Variants in GNB4 observed in about 807,000 individuals in gnomAD.
GNB4 encodes the protein G protein subunit beta 4.
A neutral mutation model predicts 45.2 loss-of-function variants in GNB4; 28 were observed. That is an observed-to-expected ratio of 0.62 (90% CI 0.46 to 0.85). GNB4 has a LOEUF of 0.85. Among genes scored for constraint, GNB4 ranks in the 40% least tolerant of loss-of-function variants. The probability of loss-of-function intolerance (pLI) is 0.00; values close to 1 mark genes in which losing one functional copy is unlikely to be tolerated. For synonymous variants in GNB4, 132 were observed against 143.7 expected, an observed-to-expected ratio of 0.92 and a Z score of 0.58; for missense variants, 321 against 425.4, an observed-to-expected ratio of 0.75 and a Z score of 2.16.
In GNB4 at chr3:179,426,183, C is replaced by G; in HGVS notation, c.18G>C (p.Gln6His). Residue 6 changes from glutamine to histidine, a missense_variant, in exon 2 of 10, where the codon CAG becomes CAC. Physicochemically the swap from Gln to His is conservative, Grantham distance 24. Transcript: ENST00000232564. ...GCAGTTGTTCTGCTTCTTGCCTCAACTGTTCCAGTTCGCTCATTTTTTCAA... is the reference window on the plus strand; with the variant it reads ...GCAGTTGTTCTGCTTCTTGCCTCAAGTGTTCCAGTTCGCTCATTTTTTCAA... MSELEQLRQEAEQLRN... is the reference protein window; with the variant it reads MSELEHLRQEAEQLRN... The G allele has an allele frequency of 6.2e-7, 1 of 1,600,912 alleles. No individual in the cohort carries two copies. The highest frequency in any genetic ancestry group is 8.5e-7 in the Non-Finnish European group (1 of 1,177,162).
At chr3:179,502,228 C>CTTT in the GNB4 span, among the ~76,000 whole-genome samples, 191 of 73,398 alleles carry the variant, frequency 2.6e-3, no homozygotes, top group African/African-American at 3.4e-3. Context: ...TTTTTCTTTT[C>CTTT]TTTTTTTTTT....
At chr3:179,499,333 G>A in the GNB4 span, among the ~76,000 whole-genome samples, 835 of 151,988 alleles carry the variant, frequency 5.5e-3, 7 homozygotes, top group African/African-American at 0.02. Context: ...AGTTCTTTTT[G>A]TATTTTTAGT....
chr3:179,518,057 C>G, the GNB4 span, among the ~76,000 whole-genome samples: 3 of 152,260 alleles, frequency 2.0e-5, no homozygotes, highest in South Asian at 6.2e-4. Context: ...TCTACTCTCT[C>G]TTTTCTCTGG....
At chr3:179,455,998 G>A (rs1030897691), upstream of GNB4, among the ~76,000 whole-genome samples, 1 of 152,172 alleles carries the variant, frequency 6.6e-6, no homozygotes, top group Admixed American at 6.5e-5. Context: ...AGAGAACAAG[G>A]AGGAAATGCA....
At chr3:179,498,070 T>A in the GNB4 span, among the ~76,000 whole-genome samples, 1 of 152,166 alleles carries the variant, frequency 6.6e-6, no homozygotes, top group Admixed American at 6.5e-5. Flanking sequence ...AAAATCAGTA[T>A]CTCAAAAAGA....
the GNB4 span, among the ~76,000 whole-genome samples, chr3:179,519,340 C>G: frequency 1.3e-5 from 2 of 152,226 alleles, no homozygotes; most frequent in African/African-American, 4.8e-5. Context: ...AAGACTGACA[C>G]TGCCCAATCA....
chr3:179,477,527 T>C, the GNB4 span, among the ~76,000 whole-genome samples: 1 of 152,146 alleles, frequency 6.6e-6, no homozygotes, highest in Non-Finnish European at 1.5e-5. Context: ...TGAGACCTTA[T>C]CAGAATGACC....
chr3:179,485,005 G>GTTTTTTT, the GNB4 span, among the ~76,000 whole-genome samples: 13 of 51,144 alleles, frequency 2.5e-4, no homozygotes, highest in Non-Finnish European at 3.7e-4. Flanking sequence ...TTTTCGTTTT[G>GTTTTTTT]TTTTTTTTTT....
the GNB4 span, among the ~76,000 whole-genome samples, chr3:179,527,250 G>A: frequency 6.6e-6 from 1 of 152,264 alleles, no homozygotes; most frequent in Middle Eastern, 3.4e-3. Context: ...TTTGAAGCCA[G>A]ATATTGGCCA....
chr3:179,496,670 C>A, the GNB4 span, among the ~76,000 whole-genome samples: 1 of 151,942 alleles, frequency 6.6e-6, no homozygotes, highest in South Asian at 2.1e-4. Context: ...AAGCAGAAAC[C>A]AAAAGAGAGC....
At chr3:179,515,352 C>A in the GNB4 span, among the ~76,000 whole-genome samples, 1 of 152,216 alleles carries the variant, frequency 6.6e-6, no homozygotes, top group South Asian at 2.1e-4. Context: ...TTTGTGTGAG[C>A]AACAAGGCTG....
the GNB4 span, among the ~76,000 whole-genome samples, chr3:179,470,115 T>C: frequency 1.3e-5 from 2 of 152,240 alleles, no homozygotes; most frequent in African/African-American, 4.8e-5. Flanking sequence ...TACAATTAGG[T>C]ACATGCAATA....
the GNB4 span, chr3:179,465,157 C>T: frequency 1.6e-6 from 2 of 1,270,454 alleles, no homozygotes; most frequent in East Asian, 2.3e-5. Context: ...AAGCAGCAGT[C>T]ACTGATATGG....
chr3:179,504,348 G>A, the GNB4 span, among the ~76,000 whole-genome samples: 1 of 151,816 alleles, frequency 6.6e-6, no homozygotes, highest in Non-Finnish European at 1.5e-5. Flanking sequence ...TCTTACTTTT[G>A]GCTACTTCTC....
At chr3:179,452,917 C>T (rs1431422240), upstream of GNB4, among the ~76,000 whole-genome samples, 1 of 152,118 alleles carries the variant, frequency 6.6e-6, no homozygotes, top group Non-Finnish European at 1.5e-5. Context: ...TCGGAGGAAG[C>T]AAAGGGAAAT....
At chr3:179,452,077 A>T (rs1329055364), upstream of GNB4, among the ~76,000 whole-genome samples, 1 of 152,212 alleles carries the variant, frequency 6.6e-6, no homozygotes, top group Non-Finnish European at 1.5e-5. Context: ...TGATGTTTGC[A>T]CGAAGCCTGC....
chr3:179,448,958 A>G (rs1046453711), intron 1 of GNB4, among the ~76,000 whole-genome samples: 1 of 152,236 alleles, frequency 6.6e-6, no homozygotes, highest in Non-Finnish European at 1.5e-5. Context: ...CAGTCACTGA[A>G]GCAGAACACT....
the GNB4 span, among the ~76,000 whole-genome samples, chr3:179,467,660 T>A: frequency 6.6e-6 from 1 of 152,130 alleles, no homozygotes; most frequent in South Asian, 2.1e-4. Context: ...AGAAAGTAAG[T>A]GTCAGATGCA....
the GNB4 span, among the ~76,000 whole-genome samples, chr3:179,516,741 C>T: frequency 2.6e-5 from 4 of 152,006 alleles, no homozygotes; most frequent in Admixed American, 2.0e-4. Flanking sequence ...GAACCATTCG[C>T]CTTGTGTGGG....
Sources: allele counts gnomAD v4.1 joint callset (sites outside exome capture counted in the v4.1 genomes callset), GRCh38; gene constraint gnomAD v4.1.1; transcripts MANE v1.5; gene names NCBI Gene and HGNC (gene_info 2026-07-23, HGNC 2026-07-21).